RBPJ: variants seen among roughly 807,000 people sequenced by gnomAD.
RBPJ encodes recombining binding protein suppressor of hairless.
Under a neutral mutation model 67.8 loss-of-function variants are expected in RBPJ, and 9 were observed. The observed-to-expected ratio is 0.13, with a 90% CI of 0.08 to 0.23. RBPJ has a LOEUF of 0.23. Among genes scored for constraint, RBPJ ranks in the 10% least tolerant of loss-of-function variants. The probability of loss-of-function intolerance (pLI) is 1.00; values close to 1 mark genes in which losing one functional copy is unlikely to be tolerated. For missense variants in RBPJ, 305 were observed against 595.6 expected (o/e 0.51, Z 5.08); for synonymous variants, 198 against 203.3 (o/e 0.97, Z 0.22).
intron 1 of RBPJ, among the ~76,000 whole-genome samples, chr4:26,211,253 G>A (rs964105434): frequency 1.3e-5 from 2 of 152,042 alleles, no homozygotes; most frequent in African/African-American, 4.8e-5. Flanking sequence ...CTTTTCTGGG[G>A]ACAAATACTC....
chr4:26,386,246 G>A (rs1577580731), intron 1 of RBPJ, 107 bp from the exon 2 acceptor site: 2 of 715,010 alleles, frequency 2.8e-6, no homozygotes, highest in East Asian at 5.5e-5. Flanking sequence ...TCTTCAGTGA[G>A]ATTGAAGTAT....
At chr4:26,207,083 G>A (rs974162251) in intron 1 of RBPJ, among the ~76,000 whole-genome samples, 3 of 152,158 alleles carry the variant, frequency 2.0e-5, no homozygotes, top group African/African-American at 7.2e-5. Flanking sequence ...TTTTAGTATG[G>A]AAATGACAGA....
rs532278437 is a variant in RBPJ at position 26,433,282 on chromosome 4, G to A, written c.*2275G>A. On this transcript the variant is annotated 3_prime_UTR_variant, in exon 11 of 11. Coordinates refer to ENST00000355476, the MANE Select transcript of RBPJ (RefSeq NM_015874.6). ...AGTAGTAGTTATTCCTCTCTATGGA[G>A]TCATGGCAGGAATCATTACACAGTG... The A allele has an allele frequency of 2.0e-4, 31 of 152,198 alleles. No homozygotes were observed. The highest frequency in any genetic ancestry group is 4.1e-4 in the Non-Finnish European group (28 of 68,042). 9.4% of individuals were successfully genotyped at this position (152,198 alleles called of 1,614,324 possible).
chr4:26,248,069 C>T (rs1719985919), intron 1 of RBPJ, among the ~76,000 whole-genome samples: 1 of 152,104 alleles, frequency 6.6e-6, no homozygotes, highest in South Asian at 2.1e-4. Context: ...TGAGGCGGGG[C>T]ATCATGAGGT....
chr4:26,354,337 T>C (rs2109459722), intron 1 of RBPJ, among the ~76,000 whole-genome samples: 1 of 152,220 alleles, frequency 6.6e-6, no homozygotes, highest in Admixed American at 6.5e-5. Flanking sequence ...AAATACAAAA[T>C]ATTTACTAGA....
chr4:26,425,003 A>G (rs759504482), intron 7 of RBPJ: 3 of 440,932 alleles, frequency 6.8e-6, no homozygotes, highest in Non-Finnish European at 1.2e-5. Flanking sequence ...TTTGGTGGCA[A>G]TTTCCTTTTT....
chr4:26,383,655 A>G (rs1730536493), intron 1 of RBPJ, among the ~76,000 whole-genome samples: 1 of 152,208 alleles, frequency 6.6e-6, no homozygotes, highest in Non-Finnish European at 1.5e-5. Flanking sequence ...ACACTATTCT[A>G]TATATAACCT....
intron 1 of RBPJ, among the ~76,000 whole-genome samples, chr4:26,301,452 C>T (rs1577404845): frequency 6.6e-6 from 1 of 151,734 alleles, no homozygotes; most frequent in African/African-American, 2.4e-5. Context: ...ATTAGCCGGG[C>T]GTGGTGGCGG....
At chr4:26,210,087 G>A (rs1326726249) in intron 1 of RBPJ, among the ~76,000 whole-genome samples, 1 of 152,066 alleles carries the variant, frequency 6.6e-6, no homozygotes, top group Non-Finnish European at 1.5e-5. Context: ...TGTCTTCCAG[G>A]AAGTCTTTCT....
At chr4:26,203,199 C>G (rs1718050264) in intron 1 of RBPJ, among the ~76,000 whole-genome samples, 1 of 152,154 alleles carries the variant, frequency 6.6e-6, no homozygotes, top group Non-Finnish European at 1.5e-5. Context: ...AATCAAAAAT[C>G]AAATTTCTAT....
chr4:26,148,004 T>G, the RBPJ span, among the ~76,000 whole-genome samples: 1 of 152,198 alleles, frequency 6.6e-6, no homozygotes, highest in Non-Finnish European at 1.5e-5. Flanking sequence ...AAGTTGAGGC[T>G]CAGCAAGTTG....
chr4:26,355,178 C>T (rs1032471835), intron 1 of RBPJ, among the ~76,000 whole-genome samples: 4 of 152,086 alleles, frequency 2.6e-5, no homozygotes, highest in African/African-American at 9.7e-5. Flanking sequence ...CCCACCTCCC[C>T]CTAATCCCCC....
intron 1 of RBPJ, among the ~76,000 whole-genome samples, chr4:26,341,953 A>G (rs1019854850): frequency 5.3e-5 from 8 of 152,198 alleles, no homozygotes; most frequent in African/African-American, 1.9e-4. Flanking sequence ...AATAGCCAAG[A>G]AGGGATGGGA....
chr4:26,424,564 T>C lies in RBPJ; in HGVS notation c.635-67T>C. Reference sequence around the variant, plus strand: ...AGATACATGGATATATTAAGTTTTGTCATTTGCCTAATCATAAAATAAATT... The same window carrying C: ...AGATACATGGATATATTAAGTTTTGCCATTTGCCTAATCATAAAATAAATT... On this transcript the variant is annotated intron_variant, in intron 6 of 10. Coordinates refer to ENST00000355476, the MANE Select transcript of RBPJ (RefSeq NM_015874.6). This position sits in a 1 kb window ranked among gnomAD's most constrained non-coding sequence, Gnocchi z 5.3. The C allele has an allele frequency of 6.4e-7, 1 of 1,561,760 alleles. No individual in the cohort carries two copies. Among genetic ancestry groups the C allele is most frequent in the Admixed American group, 1.8e-5 (1 of 57,118 alleles).
chr4:26,124,215 C>A, the RBPJ span, among the ~76,000 whole-genome samples: 2 of 151,544 alleles, frequency 1.3e-5, no homozygotes. Context: ...CCCACCCTGT[C>A]CCCCTGAGTC....
chr4:26,370,838 T>C (rs1485270729), intron 1 of RBPJ, among the ~76,000 whole-genome samples: 2 of 152,108 alleles, frequency 1.3e-5, no homozygotes, highest in Non-Finnish European at 2.9e-5. Flanking sequence ...CCCAGCACTT[T>C]GGGAGACCGA....
chr4:26,423,488 A>G (rs533166409), intron 5 of RBPJ, among the ~76,000 whole-genome samples: 2 of 152,358 alleles, frequency 1.3e-5, no homozygotes, highest in South Asian at 4.1e-4. Context: ...TCTTTAGTGT[A>G]GAATGGTGAT....
chr4:26,410,970 T>C (rs2109764983), intron 3 of RBPJ, among the ~76,000 whole-genome samples: 1 of 152,354 alleles, frequency 6.6e-6, no homozygotes, highest in African/African-American at 2.4e-5. Flanking sequence ...CAACGTGTTT[T>C]ATAGGATATC....
chr4:26,161,270 C>A (rs1322651462), upstream of RBPJ, among the ~76,000 whole-genome samples: 2 of 152,348 alleles, frequency 1.3e-5, no homozygotes, highest in East Asian at 3.9e-4. Context: ...CAGCTAAGAT[C>A]ATCCTACATC....
Sources: allele counts gnomAD v4.1 joint callset (sites outside exome capture counted in the v4.1 genomes callset), GRCh38; gene constraint gnomAD v4.1.1; non-coding constraint Gnocchi (gnomAD v3.1); transcripts MANE v1.5; gene names NCBI Gene and HGNC (gene_info 2026-07-23, HGNC 2026-07-21).